PCDH11X: variants seen among roughly 807,000 people sequenced by gnomAD.
The protein encoded by PCDH11X is protocadherin-11 X-linked.
In PCDH11X, 18 loss-of-function variants were observed where a neutral mutation model predicts 53.3. That is an observed-to-expected ratio of 0.34 (90% CI 0.23 to 0.50). The LOEUF is 0.50. Ranked by LOEUF, PCDH11X falls within the 20% of genes least tolerant of loss-of-function variation. PCDH11X has a pLI of 0.98. For synonymous variants in PCDH11X, 279 were observed against 393.3 expected (o/e 0.71, Z 3.44); for missense variants, 570 against 1,032.4 (o/e 0.55, Z 6.14).
intron 7 of PCDH11X, among the ~76,000 whole-genome samples, chrX:92,256,035 C>T (rs1194184276): frequency 6.2e-5 from 7 of 112,103 alleles, no homozygotes; most frequent in East Asian, 2.8e-4. Context: ...CCCCCAGCCT[C>T]GCTGCCGCCT....
chrX:92,193,446 G>A (rs1293453287), intron 6 of PCDH11X, among the ~76,000 whole-genome samples: 3 of 110,705 alleles, frequency 2.7e-5, no homozygotes, highest in Non-Finnish European at 3.8e-5. Context: ...CTTTGTAGGG[G>A]CTAGTTAAAT....
chrX:92,072,412 G>A (rs1569339701), intron 6 of PCDH11X, among the ~76,000 whole-genome samples: 1 of 111,280 alleles, frequency 9.0e-6, no homozygotes, highest in South Asian at 3.8e-4. Flanking sequence ...TTTCCCTGAA[G>A]CCAGCACATC....
chrX:91,983,017 C>G (rs971343556), intron 6 of PCDH11X: 1 of 1,188,337 alleles, frequency 8.4e-7, no homozygotes, highest in Non-Finnish European at 1.1e-6. Flanking sequence ...TGGGTCACTC[C>G]GGACTTTGCA....
chrX:92,428,189 C>T (rs2072168966), intron 9 of PCDH11X, among the ~76,000 whole-genome samples: 1 of 109,801 alleles, frequency 9.1e-6, no homozygotes, highest in African/African-American at 3.3e-5. Context: ...AATTTTCTCT[C>T]GAAATTGATA....
At chrX:92,561,977 T>C (rs2075137224) in intron 10 of PCDH11X, among the ~76,000 whole-genome samples, 1 of 107,634 alleles carries the variant, frequency 9.3e-6, no homozygotes, top group East Asian at 3.0e-4. Flanking sequence ...TATAAAGAAA[T>C]ACCAGAGATT....
intron 10 of PCDH11X, among the ~76,000 whole-genome samples, chrX:92,491,298 A>G (rs2073760619): frequency 9.0e-6 from 1 of 111,189 alleles, no homozygotes; most frequent in Non-Finnish European, 1.9e-5. Context: ...TCGTAAAATT[A>G]TGAAGAAGTG....
intron 4 of PCDH11X, among the ~76,000 whole-genome samples, chrX:91,824,726 G>T (rs1157635100): frequency 9.2e-6 from 1 of 108,477 alleles, no homozygotes; most frequent in Non-Finnish European, 1.9e-5. Context: ...GAAGAGCTGT[G>T]TTCTTTTGGA....
At chrX:91,909,916 T>C (rs780821727) in intron 6 of PCDH11X, among the ~76,000 whole-genome samples, 171 of 111,556 alleles carry the variant, frequency 1.5e-3, no homozygotes, top group African/African-American at 5.0e-3. Flanking sequence ...AGTTACCTTT[T>C]TTGTGTGAGA....
At chrX:92,282,056 CAAG>C (rs2068261523) in intron 8 of PCDH11X, among the ~76,000 whole-genome samples, 1 of 109,534 alleles carries the variant, frequency 9.1e-6, no homozygotes, top group Non-Finnish European at 1.9e-5. Flanking sequence ...ATGAGAAAAA[CAAG>C]AAGAGGAGCA....
chrX:92,278,290 G>A (rs747904281), intron 8 of PCDH11X, among the ~76,000 whole-genome samples: 4 of 111,420 alleles, frequency 3.6e-5, no homozygotes, highest in South Asian at 3.7e-4. Flanking sequence ...TGGATCTTAT[G>A]GAGCAAAAAG....
intron 9 of PCDH11X, among the ~76,000 whole-genome samples, chrX:92,433,026 T>G (rs1201651434): frequency 2.7e-5 from 3 of 110,441 alleles, no homozygotes; most frequent in Non-Finnish European, 5.7e-5. Context: ...CTAATGTAGT[T>G]TAGTTTAACA....
At chrX:92,279,466 T>C (rs1275844678) in intron 8 of PCDH11X, among the ~76,000 whole-genome samples, 1 of 112,173 alleles carries the variant, frequency 8.9e-6, no homozygotes, top group African/African-American at 3.2e-5. Flanking sequence ...TTTTTAAATC[T>C]CTAGCATTAA....
chrX:92,564,431 G>A (rs1182231906), intron 10 of PCDH11X, among the ~76,000 whole-genome samples: 2 of 101,997 alleles, frequency 2.0e-5, no homozygotes, highest in Non-Finnish European at 4.0e-5. Context: ...CATAGACCAA[G>A]GGAACAGAAT....
intron 6 of PCDH11X, among the ~76,000 whole-genome samples, chrX:92,016,039 A>G (rs1353935771): frequency 2.7e-5 from 3 of 112,424 alleles, no homozygotes; most frequent in Non-Finnish European, 5.6e-5. Flanking sequence ...AAACAACATT[A>G]ATTTCCTTTT....
At chrX:92,505,545 T>C (rs1341580258) in intron 10 of PCDH11X, among the ~76,000 whole-genome samples, 2 of 110,719 alleles carry the variant, frequency 1.8e-5, no homozygotes, top group Non-Finnish European at 3.8e-5. Flanking sequence ...TTTATTCTTT[T>C]CCATTAGTCT....
At chrX:92,557,434 G>T (rs1404103594) in intron 10 of PCDH11X, among the ~76,000 whole-genome samples, 1 of 110,038 alleles carries the variant, frequency 9.1e-6, no homozygotes, top group Non-Finnish European at 1.9e-5. Flanking sequence ...TCTAGAGCAG[G>T]GGCAAAATCC....
intron 9 of PCDH11X, among the ~76,000 whole-genome samples, chrX:92,436,961 T>C (rs1438958068): frequency 1.4e-5 from 1 of 72,160 alleles, no homozygotes; most frequent in African/African-American, 6.3e-5. Context: ...TATTCCAACC[T>C]AAAATAAAAG....
chrX:92,556,691 C>G (rs1457469271), intron 10 of PCDH11X, among the ~76,000 whole-genome samples: 4 of 110,024 alleles, frequency 3.6e-5, no homozygotes, highest in Non-Finnish European at 7.6e-5. Context: ...GTGCACATTG[C>G]AATCTGTTGG....
chrX:92,327,263 A>G (rs1237730842), intron 8 of PCDH11X, among the ~76,000 whole-genome samples: 1 of 104,771 alleles, frequency 9.5e-6, no homozygotes, highest in Non-Finnish European at 2.0e-5. Context: ...CTTGAGATAC[A>G]AGATTGAATG....
Sources: gnomAD v4.1 joint callset for allele counts (sites outside exome capture counted in the v4.1 genomes callset) on GRCh38, gnomAD v4.1.1 for gene constraint, MANE v1.5 for transcripts, NCBI Gene and HGNC (gene_info 2026-07-23, HGNC 2026-07-21) for gene names.